The following NEB variants were observed in gnomAD, a reference collection of about 807,000 sequenced individuals.
NEB encodes the protein nemaline myopathy type 2.
Under a neutral mutation model 952.2 loss-of-function variants are expected in NEB, and 512 were observed. The ratio of observed to expected loss-of-function variants is 0.54; its 90% CI spans 0.50 to 0.58. The LOEUF (loss-of-function observed/expected upper bound fraction) is 0.58, where lower values mean the gene tolerates loss of function less well. Among genes scored for constraint, NEB ranks in the 20% least tolerant of loss-of-function variants. The pLI, the probability that NEB is intolerant of heterozygous loss-of-function variation, is 0.00. For missense variants in NEB, 8,428 were observed against 9,231.1 expected (o/e 0.91, Z 3.56); for synonymous variants, 2,900 against 3,149.8 (o/e 0.92, Z 2.66).
At chr2:151,497,872 G>C (rs559266998) in intron 170 of NEB, 154 bp from the exon 171 acceptor site, 3 of 1,504,222 alleles carry the variant, frequency 2.0e-6, no homozygotes, top group Non-Finnish European at 2.6e-6. Flanking sequence ...GCTGTTGTTG[G>C]GATAGGGAAT....
intron 143 of NEB, 56 bp from the exon 144 acceptor site, chr2:151,531,952 T>C: frequency 9.3e-7 from 1 of 1,079,776 alleles, no homozygotes; most frequent in Non-Finnish European, 1.4e-6. Context: ...GGCTTTAAGG[T>C]ATCTAATTGT....
chr2:151,627,594 G>C lies in NEB; in HGVS notation c.10072C>G (p.His3358Asp). 6.2e-7 allele frequency: 1 copy of C among 1,614,022 alleles called. No individual in the cohort carries two copies. Among genetic ancestry groups the C allele is most frequent in the Non-Finnish European group, 8.5e-7 (1 of 1,179,894 alleles). The change falls in exon 69 of 182, where the codon CAC (histidine) becomes GAC (aspartate). Residue 3358 changes from histidine (H) to aspartate (D), a missense_variant. By Grantham distance (81) the His-to-Asp change is moderately conservative. Coordinates refer to ENST00000397345, the MANE Select transcript of NEB (RefSeq NM_001164508.2). ...VSDVDYKNYLHEWTCLPDQND... is the reference protein window; with the variant it reads ...VSDVDYKNYLDEWTCLPDQND... The stretch of plus-strand genomic sequence containing the variant: ...TGGTCGGGCAGGCACGTCCACTCGT[G>C]CAGGTAGTTCTTGTAGTCCACATCG...
intron 136 of NEB, among the ~76,000 whole-genome samples, chr2:151,541,089 G>C (rs772735034): frequency 6.6e-6 from 1 of 152,002 alleles, no homozygotes; most frequent in South Asian, 2.1e-4. Context: ...AGAAGATTCT[G>C]ATAGACCCCT....
chr2:151,499,828 G>C (rs2063086610), intron 168 of NEB, among the ~76,000 whole-genome samples: 1 of 152,158 alleles, frequency 6.6e-6, no homozygotes, highest in African/African-American at 2.4e-5. Context: ...TTAAGTTCAA[G>C]TTGTTGTAGA....
intron 170 of NEB, 174 bp downstream of exon 170, chr2:151,498,086 A>T: frequency 6.8e-7 from 1 of 1,471,070 alleles, no homozygotes; most frequent in South Asian, 1.4e-5. Context: ...ATATCAGATG[A>T]AGTAAAAAAT....
chr2:151,493,123 G>A (rs1025653181), intron 176 of NEB: 4 of 482,078 alleles, frequency 8.3e-6, no homozygotes, highest in Non-Finnish European at 1.5e-5. Context: ...GTTATGTTTA[G>A]TATGATGGTT....
chr2:151,715,730 C>T (rs920079172), intron 10 of NEB, among the ~76,000 whole-genome samples: 2 of 152,212 alleles, frequency 1.3e-5, no homozygotes, highest in Non-Finnish European at 2.9e-5. Flanking sequence ...GTTTAAGCCA[C>T]CCAATGTATG....
chr2:151,625,443 C>T (rs2154051529), intron 71 of NEB, 91 bp downstream of exon 71: 2 of 984,348 alleles, frequency 2.0e-6, no homozygotes, highest in South Asian at 2.2e-5. Flanking sequence ...AGCTAACTGG[C>T]TTACATGAGG....
intron 135 of NEB, among the ~76,000 whole-genome samples, chr2:151,542,956 AG>A (rs1342151547): frequency 6.6e-6 from 1 of 152,186 alleles, no homozygotes; most frequent in Non-Finnish European, 1.5e-5. Context: ...AACTAGTCCC[AG>A]TTACTGGAAC....
chr2:151,647,901 A>G lies in NEB; in HGVS notation c.7432-1667T>C, dbSNP rs74829016. Among the ~76,000 whole-genome samples the G allele has an allele frequency of 3.6e-3, 554 of 152,340 alleles. 4 individuals are homozygous for G. The highest frequency in any genetic ancestry group is 0.013 in the African/African-American group (525 of 41,576). The stretch of plus-strand genomic sequence containing the variant: ...TTGAATAAATTCTGTAGACTAGCAG[A>G]CCAGTGGAAATTAATTCTGTGATTT... On this transcript the variant is annotated intron_variant, in intron 54 of 181. Transcript: ENST00000397345.
chr2:151,506,392 C>T (rs1314596980), intron 163 of NEB, 134 bp from the exon 164 acceptor site: 3 of 666,322 alleles, frequency 4.5e-6, no homozygotes, highest in Admixed American at 2.6e-5. Context: ...GCCAGAGCAT[C>T]GCACCTGACA....
rs1180443583 is a variant in NEB at position 151,530,313 on chromosome 2, A to G, written c.21630+681T>C. Among the ~76,000 whole-genome samples, 6 of 152,162 alleles carry G rather than the reference A, an allele frequency of 3.9e-5. No individual in the cohort carries two copies. In the East Asian group the frequency reaches 1.2e-3, roughly 29 times the overall value. The stretch of plus-strand genomic sequence containing the variant: ...AAGGCTTAGCATCTGCAGGCCCAAC[A>G]GGCAGTTTTTCCATCCTGGGCCTGG... On this transcript the variant is annotated intron_variant, in intron 145 of 181. Coordinates refer to ENST00000397345, the MANE Select transcript of NEB (RefSeq NM_001164508.2).
At chr2:151,624,183 T>C (rs982988699) in intron 71 of NEB, among the ~76,000 whole-genome samples, 4 of 152,140 alleles carry the variant, frequency 2.6e-5, no homozygotes, top group Non-Finnish European at 4.4e-5. Context: ...TATGTATTCA[T>C]GGGGGATGAG....
chr2:151,646,207 C>T lies in NEB; in HGVS notation c.7459G>A (p.Asp2487Asn), dbSNP rs764278567. Reference sequence around the variant, plus strand: ...GGCATGATGTGGATCTGAGTCTTGTCTTTGTCCCAAGCTTCTCTATAAAGT... The same window carrying T: ...GGCATGATGTGGATCTGAGTCTTGTTTTTGTCCCAAGCTTCTCTATAAAGT... ...DRLYREAWDK[D>N]KTQIHIMPDT... Residue 2487 changes from aspartate (D) to asparagine (N), a missense_variant, in exon 55 of 182, where the codon GAC becomes AAC. Transcript: ENST00000397345. 7.5e-6 allele frequency: 12 copies of T among 1,600,930 alleles called. No individual in the cohort carries two copies. In the African/African-American group the frequency reaches 1.2e-4, roughly 16 times the overall value.
At chr2:151,509,397 T>A (rs1559374220) in intron 161 of NEB, among the ~76,000 whole-genome samples, 2 of 152,198 alleles carry the variant, frequency 1.3e-5, no homozygotes, top group African/African-American at 4.8e-5. Context: ...ATTGTTTTTC[T>A]TTTATTTTTT....
At position 151,666,373 on chromosome 2, in the gene NEB, G is replaced by T; in HGVS notation, c.4748C>A (p.Ala1583Asp). 6.2e-7 allele frequency: 1 copy of T among 1,613,738 alleles called. No homozygotes were observed. The highest frequency in any genetic ancestry group is 1.1e-5 in the South Asian group (1 of 91,078). ...GAGAAATCCAACTTGCTTGCCTTTG[G>T]CTTTCTCGTAGGCCTCCTTATATTT... ...DCKYKEAYEK[A>D]KGKQVGFLSL... Residue 1583 changes from alanine to aspartate, a missense_variant, in exon 41 of 182, where the codon GCC becomes GAC. Around this residue, in one of 11 missense-constraint regions of NEB, gnomAD observed 2,851 missense variants for 2,791.5 expected, o/e 1.02. Transcript: ENST00000397345.
chr2:151,491,316 TC>T (rs771473871), intron 179 of NEB: 23 of 177,990 alleles, frequency 1.3e-4, no homozygotes, highest in Middle Eastern at 2.7e-3. Context: ...TGAATAAACT[TC>T]CTTGATGCAA....
At chr2:151,559,181 T>C (rs1182471330) in intron 124 of NEB, among the ~76,000 whole-genome samples, 2 of 152,064 alleles carry the variant, frequency 1.3e-5, no homozygotes, top group East Asian at 1.9e-4. Context: ...CCAACAAATA[T>C]ATGAAAAAAT....
intron 133 of NEB, 91 bp downstream of exon 133, chr2:151,547,338 G>C (rs2094842953): frequency 2.1e-6 from 2 of 946,166 alleles, no homozygotes; most frequent in African/African-American, 3.3e-5. Context: ...ATCAGAAAAG[G>C]CTGTTCAAAG....
Sources: allele counts gnomAD v4.1 joint callset (sites outside exome capture counted in the v4.1 genomes callset), GRCh38; gene constraint gnomAD v4.1.1; regional missense constraint gnomAD v4.1.1; transcripts MANE v1.5; gene names NCBI Gene and HGNC (gene_info 2026-07-23, HGNC 2026-07-21).